NDUFAF7: variants seen among roughly 807,000 people sequenced by gnomAD.
The protein encoded by NDUFAF7 is NADH:ubiquinone oxidoreductase complex assembly factor 7.
A neutral mutation model predicts 47.2 loss-of-function variants in NDUFAF7; 48 were observed. The ratio of observed to expected loss-of-function variants is 1.02; its 90% confidence interval spans 0.81 to 1.29. The LOEUF (loss-of-function observed/expected upper bound fraction) is 1.29, where lower values mean the gene tolerates loss of function less well. Among genes scored for constraint, NDUFAF7 ranks in the 50% most tolerant of loss-of-function variants. The probability of loss-of-function intolerance (pLI) is 0.00; values close to 1 mark genes in which losing one functional copy is unlikely to be tolerated. For missense variants in NDUFAF7, 635 were observed against 537.6 expected, an observed-to-expected ratio of 1.18 and a Z score of -1.79; for synonymous variants, 217 against 190.0, an observed-to-expected ratio of 1.14 and a Z score of -1.17.
downstream of NDUFAF7, among the ~76,000 whole-genome samples, chr2:37,254,962 C>A (rs550718631): frequency 6.6e-6 from 1 of 152,318 alleles, no homozygotes; most frequent in East Asian, 1.9e-4. Flanking sequence ...CAACCAATAA[C>A]TACATACTAA....
In NDUFAF7 at chr2:37,248,515, T is replaced by C; in HGVS notation, c.*165T>C. The C allele has an allele frequency of 2.8e-6, 2 of 720,392 alleles. No homozygotes were observed. The highest frequency in any genetic ancestry group is 2.2e-5 in the Admixed American group (1 of 46,084). The allele number at this position is 720,392 out of a possible 1,614,324, so 44.6% of individuals were successfully genotyped here. On this transcript the variant is annotated 3_prime_UTR_variant, in exon 10 of 10. Coordinates refer to ENST00000002125, the MANE Select transcript of NDUFAF7 (RefSeq NM_144736.5). Reference sequence around the variant, plus strand: ...ACCAACATTATAGAACTTTTAGGGTTGTGACTGGCTTTGGTGCAAATGTGT... The same window carrying C: ...ACCAACATTATAGAACTTTTAGGGTCGTGACTGGCTTTGGTGCAAATGTGT...
intron 2 of NDUFAF7, among the ~76,000 whole-genome samples, chr2:37,235,395 A>C (rs935579134): frequency 6.6e-6 from 1 of 152,144 alleles, no homozygotes; most frequent in Admixed American, 6.5e-5. Context: ...GAAACAGAAC[A>C]TCACCAGCAG....
chr2:37,233,861 A>T (rs1665468594), intron 2 of NDUFAF7, among the ~76,000 whole-genome samples: 1 of 152,140 alleles, frequency 6.6e-6, no homozygotes, highest in African/African-American at 2.4e-5. Flanking sequence ...TGGAAAAAAT[A>T]TTATACCTTT....
rs1445300480 is a variant in NDUFAF7 at position 37,247,720 on chromosome 2, T to C, written c.1110+91T>C. ...GTATGTTCACCTGGCCTTAATGCTCTTGTAGTTAGCCAATCCTTGGTATTC... is the reference window on the plus strand; with the variant it reads ...GTATGTTCACCTGGCCTTAATGCTCCTGTAGTTAGCCAATCCTTGGTATTC... On this transcript the variant is annotated intron_variant, in intron 9 of 9. Coordinates refer to ENST00000002125, the MANE Select transcript of NDUFAF7 (RefSeq NM_144736.5). The C allele has an allele frequency of 2.1e-6, 3 of 1,439,952 alleles. No homozygotes were observed. The African/African-American group carries it at 4.3e-5, about 20-fold the overall frequency. 89.2% of individuals were successfully genotyped at this position (1,439,952 alleles called of 1,614,324 possible).
chr2:37,267,680 C>T, the NDUFAF7 span: 1 of 619,952 alleles, frequency 1.6e-6, no homozygotes, highest in Non-Finnish European at 2.8e-6. Flanking sequence ...CCTTCACTCA[C>T]CTTTAATTTA....
chr2:37,256,521 C>G (rs531752224), downstream of NDUFAF7: 1,134 of 1,125,266 alleles, frequency 1.0e-3, 3 homozygotes, highest in South Asian at 4.0e-3. Flanking sequence ...AAACTGGTAA[C>G]TAGTTGAATT....
intron 5 of NDUFAF7, chr2:37,242,396 A>T: frequency 2.7e-6 from 1 of 363,994 alleles, no homozygotes; most frequent in Non-Finnish European, 5.0e-6. Flanking sequence ...AAGCCTTGTG[A>T]TGAATAAAAG....
the NDUFAF7 span, chr2:37,260,127 G>T: frequency 8.8e-7 from 1 of 1,136,946 alleles, no homozygotes; most frequent in East Asian, 2.6e-5. Flanking sequence ...TTGCACCACT[G>T]CACTCCAGCC....
chr2:37,236,114 G>A lies in NDUFAF7; in HGVS notation c.235G>A (p.Asp79Asn). The A allele has an allele frequency of 6.2e-7, 1 of 1,613,148 alleles. No individual in the cohort carries two copies. Among genetic ancestry groups the A allele is most frequent in the Non-Finnish European group, 8.5e-7 (1 of 1,179,250 alleles). ...NPAKGYYVYR[D>N]MLGEKGDFIT... Reference sequence around the variant, plus strand: ...TACTCAGGGTTATTATGTGTACCGTGACATGCTAGGCGAAAAAGGAGATTT... The same window carrying A: ...TACTCAGGGTTATTATGTGTACCGTAACATGCTAGGCGAAAAAGGAGATTT... The change falls in exon 3 of 10, where the codon GAC becomes AAC. Residue 79 changes from aspartate to asparagine, a missense_variant. Asp to Asn is a conservative substitution (Grantham distance 23, BLOSUM62 1). Coordinates refer to ENST00000002125, the MANE Select transcript of NDUFAF7 (RefSeq NM_144736.5).
At chr2:37,269,493 G>A in the NDUFAF7 span, 5 of 771,120 alleles carry the variant, frequency 6.5e-6, no homozygotes, top group Admixed American at 4.1e-5. Flanking sequence ...AAGATAACAA[G>A]TCAGCCTTTA....
At chr2:37,237,177 T>C (rs994299843) in intron 3 of NDUFAF7, among the ~76,000 whole-genome samples, 4 of 152,122 alleles carry the variant, frequency 2.6e-5, no homozygotes, top group African/African-American at 9.7e-5. Flanking sequence ...TCCATGTTGG[T>C]CAGGCTGGTC....
chr2:37,270,552 A>G, the NDUFAF7 span, among the ~76,000 whole-genome samples: 1 of 151,972 alleles, frequency 6.6e-6, no homozygotes, highest in African/African-American at 2.4e-5. Context: ...CTAATATACT[A>G]ATTTGGGATG....
At chr2:37,247,733 A>G (rs1273127565) in intron 9 of NDUFAF7, 104 bp downstream of exon 9, 3 of 1,329,790 alleles carry the variant, frequency 2.3e-6, no homozygotes, top group South Asian at 1.2e-5. Flanking sequence ...TAGTTAGCCA[A>G]TCCTTGGTAT....
Position 37,232,172 on chromosome 2 carries a change from C to A in NDUFAF7, c.122C>A (p.Thr41Lys), listed in dbSNP as rs773557079. ...AATGAGCCTGCAGAAAACCCGGTGA[C>A]GCCGATGCTGCGGCATCTTATGTAC... ...SGNEPAENPV[T>K]PMLRHLMYKI... Residue 41 changes from threonine (T) to lysine (K), a missense_variant, in exon 2 of 10, where the codon ACG (threonine) becomes AAG (lysine). By Grantham distance (78) the Thr-to-Lys change is moderately conservative. Transcript: ENST00000002125. The A allele has an allele frequency of 3.7e-6, 6 of 1,614,198 alleles. No individual in the cohort carries two copies. The highest frequency in any genetic ancestry group is 5.1e-6 in the Non-Finnish European group (6 of 1,180,034).
the NDUFAF7 span, among the ~76,000 whole-genome samples, chr2:37,266,936 G>C: frequency 6.6e-6 from 1 of 152,112 alleles, no homozygotes; most frequent in East Asian, 1.9e-4. Flanking sequence ...CCGCCCCCAA[G>C]GGGTAAAAAT....
At chr2:37,253,252 T>C, downstream of NDUFAF7, 3 of 1,612,720 alleles carry the variant, frequency 1.9e-6, no homozygotes, top group Non-Finnish European at 2.5e-6. Flanking sequence ...TATGTGTGTA[T>C]GCATGTATTT....
Position 37,243,992 on chromosome 2 carries a change from A to G in NDUFAF7, c.792+19A>G, listed in dbSNP as rs746077280. On this transcript the variant is annotated intron_variant, in intron 7 of 9. Coordinates refer to ENST00000002125, the MANE Select transcript of NDUFAF7 (RefSeq NM_144736.5). ...CATACAAGTAAGAATATGCTTTTTT[A>G]AGTTTCTTTTATTGCTCACAGAATC... The G allele has an allele frequency of 6.4e-7, 1 of 1,560,674 alleles. No homozygotes were observed.
intron 6 of NDUFAF7, 93 bp downstream of exon 6, chr2:37,242,786 AC>A (rs1311702236): frequency 1.4e-5 from 14 of 987,938 alleles, no homozygotes; most frequent in Non-Finnish European, 1.7e-5. Context: ...TACAAATTTT[AC>A]TTGTTGAGGT....
intron 9 of NDUFAF7, 27 bp downstream of exon 9, chr2:37,247,656 TTAAG>T (rs759092783): frequency 3.1e-6 from 5 of 1,611,172 alleles, no homozygotes; most frequent in Non-Finnish European, 4.2e-6. Context: ...TTCACTGTTA[TTAAG>T]TACTTTCATA....
Sources: gnomAD v4.1 joint callset for allele counts (sites outside exome capture counted in the v4.1 genomes callset) on GRCh38, gnomAD v4.1.1 for gene constraint, MANE v1.5 for transcripts, NCBI Gene and HGNC (gene_info 2026-07-23, HGNC 2026-07-21) for gene names.